Variants in ATXN7L1 observed in about 807,000 individuals in gnomAD.
ATXN7L1 encodes the protein ataxin-7-like protein 1.
A neutral mutation model predicts 70.8 loss-of-function variants in ATXN7L1; 15 were observed. The observed-to-expected ratio is 0.21, with a 90% CI of 0.14 to 0.33. ATXN7L1 has a LOEUF of 0.33. Among genes scored for constraint, ATXN7L1 ranks in the 10% least tolerant of loss-of-function variants. The probability of loss-of-function intolerance (pLI) is 1.00; values close to 1 mark genes in which losing one functional copy is unlikely to be tolerated. For synonymous variants in ATXN7L1, 440 were observed against 445.1 expected (o/e 0.99, Z 0.14); for missense variants, 975 against 1,097.1 (o/e 0.89, Z 1.57).
chr7:105,761,295 C>G, intron 3 of ATXN7L1: 1 of 1,599,174 alleles, frequency 6.3e-7, no homozygotes, highest in Non-Finnish European at 8.5e-7. Context: ...GCTGGAGTCT[C>G]CTCTTCCAGG....
chr7:105,847,337 A>G (rs1442744657), intron 2 of ATXN7L1, among the ~76,000 whole-genome samples: 1 of 152,068 alleles, frequency 6.6e-6, no homozygotes, highest in African/African-American at 2.4e-5. Flanking sequence ...TTGATCCTGA[A>G]ATTTGAGAGA....
intron 2 of ATXN7L1, among the ~76,000 whole-genome samples, chr7:105,839,254 T>G (rs533784200): frequency 5.3e-5 from 8 of 152,218 alleles, no homozygotes; most frequent in Admixed American, 2.6e-4. Context: ...GCTTGTGGAT[T>G]TTGTGCACTT....
chr7:105,788,410 G>C (rs1176716033), intron 3 of ATXN7L1, 194 bp downstream of exon 3: 1 of 575,616 alleles, frequency 1.7e-6, no homozygotes, highest in African/African-American at 1.9e-5. Context: ...TGTTCTGACA[G>C]GACTGCGGAT....
chr7:105,709,353 T>A (rs1001370196), intron 3 of ATXN7L1, among the ~76,000 whole-genome samples: 3 of 152,088 alleles, frequency 2.0e-5, no homozygotes, highest in Non-Finnish European at 4.4e-5. Context: ...AAGAATTTTT[T>A]TTCTATATTT....
chr7:105,624,223 T>C lies in ATXN7L1; in HGVS notation c.1247A>G (p.His416Arg), dbSNP rs1292717599. ...TGGGGGCTCTGGAGTGTGGCCGCTA[T>C]GATTTGAAGATGTGCTGCTGCTTAT... The part of the protein sequence containing the change: ...NSISSSTSSN[H>R]SGHTPEPPLP... Residue 416 changes from histidine to arginine, a missense_variant, in exon 8 of 12, where the codon CAT (histidine) becomes CGT (arginine). Physicochemically the swap from His to Arg is conservative, Grantham distance 29 (BLOSUM62 0). Coordinates refer to ENST00000419735, the MANE Select transcript of ATXN7L1 (RefSeq NM_020725.2). The C allele has an allele frequency of 6.7e-7, 1 of 1,502,170 alleles. No homozygotes were observed. The highest frequency in any genetic ancestry group is 1.3e-5 in the South Asian group (1 of 77,910). The allele number at this position is 1,502,170 out of a possible 1,614,324, so 93.1% of individuals were successfully genotyped here. A position where few individuals can be genotyped will look rare whatever the true frequency, so the allele number is the denominator to read the frequency against.
At chr7:105,846,132 T>C (rs1304783580) in intron 2 of ATXN7L1, among the ~76,000 whole-genome samples, 1 of 152,024 alleles carries the variant, frequency 6.6e-6, no homozygotes, top group Non-Finnish European at 1.5e-5. Flanking sequence ...GGAAAAATAT[T>C]TGCAAATTAT....
chr7:105,621,228 T>C (rs1050593220), intron 8 of ATXN7L1, among the ~76,000 whole-genome samples: 3 of 152,234 alleles, frequency 2.0e-5, no homozygotes, highest in Admixed American at 2.0e-4. Context: ...TCCTTCCTTC[T>C]TCTTTTTGTC....
chr7:105,873,183 A>G (rs1286336674), intron 2 of ATXN7L1, among the ~76,000 whole-genome samples: 6 of 104,496 alleles, frequency 5.7e-5, no homozygotes, highest in Non-Finnish European at 1.3e-4. Flanking sequence ...AAACAAAACA[A>G]AACAACAACA....
At chr7:105,806,020 G>A (rs1563108233) in intron 2 of ATXN7L1, among the ~76,000 whole-genome samples, 1 of 152,116 alleles carries the variant, frequency 6.6e-6, no homozygotes, top group Non-Finnish European at 1.5e-5. Context: ...TGCAGGGTCT[G>A]GGGCTGCAGG....
intron 3 of ATXN7L1, among the ~76,000 whole-genome samples, chr7:105,672,359 T>C (rs1212151133): frequency 6.6e-6 from 1 of 152,210 alleles, no homozygotes; most frequent in Non-Finnish European, 1.5e-5. Flanking sequence ...AAAGCTGTAA[T>C]CAATGGATAT....
At chr7:105,760,641 T>C in intron 3 of ATXN7L1, 4 of 822,204 alleles carry the variant, frequency 4.9e-6, no homozygotes, top group South Asian at 1.1e-4. Context: ...AAGGCAGACA[T>C]TAAACATTTC....
intron 3 of ATXN7L1, among the ~76,000 whole-genome samples, chr7:105,756,364 G>A (rs1799807859): frequency 6.6e-6 from 1 of 152,176 alleles, no homozygotes; most frequent in South Asian, 2.1e-4. Context: ...TAATGAGACA[G>A]AGAGAAAAAT....
intron 4 of ATXN7L1, among the ~76,000 whole-genome samples, chr7:105,645,128 A>T (rs1365652842): frequency 6.6e-6 from 1 of 152,176 alleles, no homozygotes; most frequent in Non-Finnish European, 1.5e-5. Flanking sequence ...TGCCCGTTGA[A>T]CAACTGTATA....
chr7:105,735,130 T>A (rs904837958), intron 3 of ATXN7L1, among the ~76,000 whole-genome samples: 2 of 152,180 alleles, frequency 1.3e-5, no homozygotes, highest in African/African-American at 4.8e-5. Context: ...CTCGAAGAAA[T>A]CCTTTTTTCC....
chr7:105,610,430 A>G, intron 11 of ATXN7L1, 99 bp downstream of exon 11: 1 of 1,079,698 alleles, frequency 9.3e-7, no homozygotes, highest in Non-Finnish European at 1.3e-6. Flanking sequence ...TTAACTGGAG[A>G]TGAGGTTTGA....
intron 3 of ATXN7L1, among the ~76,000 whole-genome samples, chr7:105,753,279 G>A (rs1355825869): frequency 6.6e-6 from 1 of 152,200 alleles, no homozygotes; most frequent in Admixed American, 6.5e-5. Flanking sequence ...ACTGGGGTTT[G>A]CACAAGTCAC....
intron 5 of ATXN7L1, among the ~76,000 whole-genome samples, chr7:105,640,569 C>T (rs1006108274): frequency 6.6e-6 from 1 of 152,128 alleles, no homozygotes; most frequent in Non-Finnish European, 1.5e-5. Flanking sequence ...GGTCTCGCTC[C>T]GTTACCCAGG....
chr7:105,847,929 C>T (rs1814309653), intron 2 of ATXN7L1, among the ~76,000 whole-genome samples: 1 of 152,190 alleles, frequency 6.6e-6, no homozygotes, highest in South Asian at 2.1e-4. Flanking sequence ...TTCCTAGCTA[C>T]TTTGGTCCTA....
chr7:105,649,091 C>T (rs1162597011), intron 4 of ATXN7L1, among the ~76,000 whole-genome samples: 2 of 152,212 alleles, frequency 1.3e-5, no homozygotes, highest in Non-Finnish European at 2.9e-5. Flanking sequence ...CTAAAGGATG[C>T]ATGTGCACAC....
Sources: allele counts gnomAD v4.1 joint callset (sites outside exome capture counted in the v4.1 genomes callset), GRCh38; gene constraint gnomAD v4.1.1; transcripts MANE v1.5; gene names NCBI Gene and HGNC (gene_info 2026-07-23, HGNC 2026-07-21).